The following RABEP1 variants were observed in gnomAD, a reference collection of about 807,000 sequenced individuals.
The protein encoded by RABEP1 is rabaptin, RAB GTPase binding effector protein 1.
In RABEP1, 51 loss-of-function variants were observed where a neutral mutation model predicts 123.4. That is an observed-to-expected ratio of 0.41 (90% CI 0.33 to 0.52). The LOEUF is 0.52. RABEP1 is among the 20% of genes least tolerant of loss of function. The pLI is 0.16. For missense variants in RABEP1, 888 were observed against 996.3 expected (o/e 0.89, Z 1.46); for synonymous variants, 347 against 355.2 (o/e 0.98, Z 0.26).
At chr17:5,363,556 C>G (rs145165187) in intron 10 of RABEP1, among the ~76,000 whole-genome samples, 351 of 152,208 alleles carry the variant, frequency 2.3e-3, no homozygotes, top group Non-Finnish European at 3.7e-3. Context: ...GTCTGCCCAA[C>G]TCTTAAAGGG....
intron 2 of RABEP1, among the ~76,000 whole-genome samples, chr17:5,327,549 A>G (rs373281867): frequency 3.9e-5 from 6 of 152,168 alleles, no homozygotes; most frequent in East Asian, 1.9e-4. Flanking sequence ...GCATGTGACT[A>G]TGTGTCTGAG....
At chr17:5,295,518 G>C (rs770129608) in intron 1 of RABEP1, among the ~76,000 whole-genome samples, 1 of 151,550 alleles carries the variant, frequency 6.6e-6, no homozygotes, top group Non-Finnish European at 1.5e-5. Context: ...AGGACACTGC[G>C]GCAAACATCC....
intron 15 of RABEP1, 173 bp downstream of exon 15, chr17:5,378,405 G>A: frequency 1.4e-6 from 1 of 690,756 alleles, no homozygotes; most frequent in Non-Finnish European, 2.7e-6. Flanking sequence ...TTTATTGAGA[G>A]TGCCCTGTGT....
Position 5,367,758 on chromosome 17 carries a change from T to C in RABEP1, c.1786-612T>C, listed in dbSNP as rs903716172. Among the ~76,000 whole-genome samples, 13 of 148,890 alleles carry C rather than the reference T, an allele frequency of 8.7e-5. 1 individual carries two copies. Among genetic ancestry groups the C allele is most frequent in the East Asian group, 6.1e-4 (3 of 4,886 alleles). ...TTATGTGAAATAAAATTTTCTCTCT[T>C]TTTTTTTTAAACCCGAGATGGAGTT... On this transcript the variant is annotated intron_variant, in intron 11 of 17. Coordinates refer to ENST00000537505, the MANE Select transcript of RABEP1 (RefSeq NM_004703.6).
chr17:5,304,281 A>G (rs1277556337), intron 1 of RABEP1, among the ~76,000 whole-genome samples: 1 of 152,018 alleles, frequency 6.6e-6, no homozygotes, highest in East Asian at 1.9e-4. Flanking sequence ...GTCAAGCATT[A>G]TAAGTAGCCA....
intron 2 of RABEP1, among the ~76,000 whole-genome samples, chr17:5,317,532 C>G (rs924287672): frequency 2.6e-5 from 4 of 151,966 alleles, no homozygotes; most frequent in African/African-American, 9.7e-5. Context: ...ACACTCTGAC[C>G]ACTTCTGTTC....
At position 5,338,689 on chromosome 17, in the gene RABEP1, A is replaced by T. The variant is rs190474181; in HGVS notation, c.648+551A>T. Among the ~76,000 whole-genome samples the T allele has an allele frequency of 1.7e-3, 261 of 152,280 alleles. 1 individual carries two copies. The highest frequency in any genetic ancestry group is 3.4e-3 in the Middle Eastern group (1 of 294). ...AAGTGGCTGCTTTGTCACAAAGTTA[A>T]TGTTCATTTTCTTAAGAAAATGAGA... On this transcript the variant is annotated intron_variant, in intron 5 of 17. Transcript: ENST00000537505.
At chr17:5,321,504 G>A (rs1199591111) in intron 2 of RABEP1, among the ~76,000 whole-genome samples, 1 of 152,098 alleles carries the variant, frequency 6.6e-6, no homozygotes, top group Non-Finnish European at 1.5e-5. Context: ...CAGATACACA[G>A]TAGGCTGAGG....
chr17:5,335,414 A>G (rs1906979625), intron 4 of RABEP1, 70 bp downstream of exon 4: 1 of 1,238,230 alleles, frequency 8.1e-7, no homozygotes, highest in African/African-American at 1.5e-5. Context: ...ATTGTTGTGT[A>G]ATAGAAAGTA....
intron 8 of RABEP1, among the ~76,000 whole-genome samples, chr17:5,360,219 T>G (rs1231531008): frequency 6.6e-6 from 1 of 152,232 alleles, no homozygotes; most frequent in Admixed American, 6.5e-5. Context: ...TGCATCTGCT[T>G]TCGCATAGTA....
chr17:5,287,903 C>T (rs72836364), intron 1 of RABEP1, among the ~76,000 whole-genome samples: 1 of 151,752 alleles, frequency 6.6e-6, no homozygotes, highest in Non-Finnish European at 1.5e-5. Context: ...CAGAGTAAGA[C>T]CCTGTCTCAA....
rs192904794 is a variant in RABEP1, at chr17:5,383,456, T to A, written c.*233T>A. 2.4e-4 allele frequency: 114 copies of A among 467,256 alleles called. 1 individual carries two copies. The highest frequency in any genetic ancestry group is 2.0e-3 in the African/African-American group (105 of 51,572). The allele number at this position is 467,256 out of a possible 1,614,324, so 28.9% of individuals were successfully genotyped here. On this transcript the variant is annotated 3_prime_UTR_variant, in exon 18 of 18. Coordinates refer to ENST00000537505, the MANE Select transcript of RABEP1 (RefSeq NM_004703.6). Reference sequence around the variant, plus strand: ...GAACACTATAAACTCCAGGCTTGATTCCAACAGGCGTGGGATCAGATTTGG... The same window carrying A: ...GAACACTATAAACTCCAGGCTTGATACCAACAGGCGTGGGATCAGATTTGG...
intron 12 of RABEP1, 77 bp from the exon 13 acceptor site, chr17:5,373,237 C>G: frequency 1.4e-6 from 2 of 1,431,778 alleles, no homozygotes; most frequent in Non-Finnish European, 1.9e-6. Context: ...TTAGTTTGGA[C>G]TTGTTTTTCT....
chr17:5,288,034 AT>A (rs1431868108), intron 1 of RABEP1, among the ~76,000 whole-genome samples: 4 of 152,206 alleles, frequency 2.6e-5, no homozygotes, highest in African/African-American at 9.6e-5. Flanking sequence ...GGCCAACAGG[AT>A]TTGCTGACGG....
intron 2 of RABEP1, among the ~76,000 whole-genome samples, chr17:5,323,316 A>C (rs1235518547): frequency 6.6e-6 from 1 of 152,198 alleles, no homozygotes; most frequent in East Asian, 1.9e-4. Context: ...CGCCCACTTC[A>C]GCCAGTTTTA....
rs866429242 is a variant in RABEP1 at position 5,363,217 on chromosome 17, T to G, written c.1668+201T>G. ...TAGGACTCTGCTTTTTTTTTTTTTG[T>G]TTTTGTTTTTGTTTGTTTTTTTTGA... On this transcript the variant is annotated intron_variant, in intron 10 of 17. Transcript: ENST00000537505. Among the ~76,000 whole-genome samples the G allele has an allele frequency of 9.7e-3, 1,415 of 145,670 alleles. 3 individuals are homozygous for G. The highest frequency in any genetic ancestry group is 0.015 in the Middle Eastern group (4 of 274).
chr17:5,347,053 G>A (rs1908123013), intron 6 of RABEP1, 128 bp downstream of exon 6: 2 of 849,036 alleles, frequency 2.4e-6, no homozygotes, highest in East Asian at 3.1e-5. Context: ...AAGCCTTGTA[G>A]TTGGTTTAAA....
chr17:5,327,824 A>G (rs1906129218), intron 2 of RABEP1, among the ~76,000 whole-genome samples: 2 of 152,230 alleles, frequency 1.3e-5, no homozygotes, highest in South Asian at 2.1e-4. Flanking sequence ...ATGAAAATAG[A>G]CAATTTTTAT....
At chr17:5,294,127 A>G (rs2075058235) in intron 1 of RABEP1, among the ~76,000 whole-genome samples, 1 of 152,276 alleles carries the variant, frequency 6.6e-6, no homozygotes, top group Middle Eastern at 3.4e-3. Flanking sequence ...CATGAATTCA[A>G]CCATCTGGGG....
Sources: allele counts gnomAD v4.1 joint callset (sites outside exome capture counted in the v4.1 genomes callset), GRCh38; gene constraint gnomAD v4.1.1; transcripts MANE v1.5; gene names NCBI Gene and HGNC (gene_info 2026-07-23, HGNC 2026-07-21).